LMF1: variants seen among roughly 807,000 people sequenced by gnomAD.
LMF1 encodes lipase maturation factor 1.
LMF1 carries 68 observed loss-of-function variants against 60.6 expected under a neutral mutation model. The observed-to-expected ratio is 1.12, with a 90% CI of 0.92 to 1.37. LMF1 has a LOEUF of 1.37. Among genes scored for constraint, LMF1 ranks in the 40% most tolerant of loss-of-function variants. LMF1 has a pLI of 0.00. For synonymous variants in LMF1, 418 were observed against 324.7 expected (o/e 1.29, Z -3.09); for missense variants, 948 against 767.2 (o/e 1.24, Z -2.78).
intron 2 of LMF1, among the ~76,000 whole-genome samples, chr16:949,466 T>G (rs1597055957): frequency 8.3e-6 from 1 of 120,752 alleles, no homozygotes; most frequent in African/African-American, 3.1e-5. Context: ...AATGACAGAG[T>G]CAGAGCCAAC....
chr16:970,521 G>A (rs2151497677), intron 1 of LMF1, among the ~76,000 whole-genome samples: 1 of 152,308 alleles, frequency 6.6e-6, no homozygotes, highest in South Asian at 2.1e-4. Context: ...AGGCGCGGCC[G>A]TGCAACTTCG....
intron 2 of LMF1, among the ~76,000 whole-genome samples, chr16:939,211 G>A (rs1265229868): frequency 3.9e-5 from 6 of 151,932 alleles, no homozygotes; most frequent in South Asian, 2.1e-4. Flanking sequence ...GTGGTTTTTC[G>A]GAAATGGGAT....
Position 909,229 on chromosome 16 carries a change from A to G in LMF1, c.663+1702T>C, listed in dbSNP as rs897563070. The stretch of plus-strand genomic sequence containing the variant: ...TAAGGGCTGGCGCAAGGTGAGACGC[A>G]GGGATGTGAGTGAGGGGGAGGGAAA... On this transcript the variant is annotated intron_variant, in intron 4 of 10. Coordinates refer to ENST00000262301, the MANE Select transcript of LMF1 (RefSeq NM_022773.4). 3.8e-4 allele frequency among the ~76,000 whole-genome samples: 58 copies of G among 152,148 alleles called. 1 individual carries two copies. The highest frequency in any genetic ancestry group is 1.5e-4 in the Non-Finnish European group (10 of 68,020).
At chr16:928,248 G>GT (rs923991035) in intron 3 of LMF1, among the ~76,000 whole-genome samples, 1 of 152,188 alleles carries the variant, frequency 6.6e-6, no homozygotes, top group African/African-American at 2.4e-5. Context: ...TCCAATCCCA[G>GT]TGAGACCCAG....
Position 893,014 on chromosome 16 carries a change from T to C in LMF1, c.722A>G (p.His241Arg). 6.5e-7 allele frequency: 1 copy of C among 1,550,120 alleles called. No individual in the cohort carries two copies. Among genetic ancestry groups the C allele is most frequent in the Non-Finnish European group, 8.7e-7 (1 of 1,146,630 alleles). ...GCTGCACGGCACGCTCACCTCATAG[T>C]GGAAGTCCATGCAGGTGAGGTCTCG... The part of the protein sequence containing the change: ...CWRDLTCMDF[H>R]YETQPMPNPV... The change falls in exon 5 of 11, where the codon CAC (histidine) becomes CGC (arginine). Residue 241 changes from histidine to arginine, a missense_variant. Transcript: ENST00000262301.
chr16:854,551 G>T lies in LMF1; in HGVS notation c.1685C>A (p.Pro562His). The T allele has an allele frequency of 6.2e-7, 1 of 1,608,172 alleles. No individual in the cohort carries two copies. Among genetic ancestry groups the T allele is most frequent in the South Asian group, 1.1e-5 (1 of 90,492 alleles). ...GCACGTCTAGAGGGGCCCGGGCAGAGGCCACCCACGGTCCCTGAAGTAGGG... is the reference window on the plus strand; with the variant it reads ...GCACGTCTAGAGGGGCCCGGGCAGATGCCACCCACGGTCCCTGAAGTAGGG... ...LRPYFRDRGW[P>H]LPGPL The change falls in exon 11 of 11, where the codon CCT becomes CAT. Residue 562 changes from proline (P) to histidine (H), a missense_variant. Pro to His is a moderately conservative substitution (Grantham distance 77, BLOSUM62 -2). Transcript: ENST00000262301.
At chr16:914,543 T>TC (rs2071218511) in intron 3 of LMF1, among the ~76,000 whole-genome samples, 3 of 63,428 alleles carry the variant, frequency 4.7e-5, no homozygotes, top group Admixed American at 4.3e-4. Flanking sequence ...CCTCCCTCCT[T>TC]CCCATGACCA....
chr16:854,615 C>A lies in LMF1; in HGVS notation c.1621G>T (p.Gly541Ter). The part of the protein sequence containing the change: ...EGKWWVRKRI[G>*]AYFPPLSLEE... ...AGGCTGAGCGGAGGGAAGTAGGCTC[C>A]GATCCTCTTCCGCACCCACCACTTG... Residue 541 changes from glycine (G) to a stop codon, truncating the protein, a stop_gained, in exon 11 of 11, where the codon GGA becomes TGA. Coordinates refer to ENST00000262301, the MANE Select transcript of LMF1 (RefSeq NM_022773.4). LOFTEE classifies it low-confidence loss of function (END_TRUNC). 1 of 1,606,576 alleles carries A rather than the reference C, an allele frequency of 6.2e-7. No individual in the cohort carries two copies. The highest frequency in any genetic ancestry group is 8.5e-7 in the Non-Finnish European group (1 of 1,178,080).
intron 8 of LMF1, among the ~76,000 whole-genome samples, chr16:870,525 G>C (rs2069751745): frequency 6.6e-6 from 1 of 152,198 alleles, no homozygotes; most frequent in Non-Finnish European, 1.5e-5. Flanking sequence ...CTGCCCCTTT[G>C]CCTCATGGGA....
rs561625970 is a variant in LMF1 at position 935,161 on chromosome 16, G to A, written c.504-907C>T. ...TCTATCACCCAGGTTGGAGTGCAGC[G>A]GTGCATAACCTCACTACAACCTCAA... On this transcript the variant is annotated intron_variant, in intron 2 of 10. Coordinates refer to ENST00000262301, the MANE Select transcript of LMF1 (RefSeq NM_022773.4). Among the ~76,000 whole-genome samples the A allele has an allele frequency of 4.6e-5, 7 of 151,396 alleles. No homozygotes were observed. The East Asian group carries it at 7.8e-4, about 17-fold the overall frequency.
At chr16:977,698 AGGACGGGCAGGGAG>A (rs2073189774) in intron 1 of LMF1, among the ~76,000 whole-genome samples, 1 of 142,798 alleles carries the variant, frequency 7.0e-6, no homozygotes, top group African/African-American at 2.5e-5. Context: ...GGGGACGGGG[AGGACGGGCAGGGAG>A]GGACGGAGGG....
intron 3 of LMF1, chr16:933,584 G>A (rs1326931834): frequency 4.2e-5 from 8 of 189,160 alleles, no homozygotes; most frequent in Non-Finnish European, 6.7e-5. Context: ...AGCAAAGACC[G>A]GCCCCTCTGC....
intron 5 of LMF1, among the ~76,000 whole-genome samples, chr16:883,083 T>G (rs566055366): frequency 1.9e-4 from 27 of 144,836 alleles, no homozygotes; most frequent in Admixed American, 1.4e-3. Context: ...GCGGAGCCCA[T>G]TGCAGGACCA....
Position 970,902 on chromosome 16 carries a change from G to C in LMF1, c.79C>G (p.Pro27Ala). Residue 27 changes from proline (P) to alanine (A), a missense_variant, in exon 1 of 11, where the codon CCT becomes GCT. Physicochemically the swap from Pro to Ala is conservative, Grantham distance 27. Transcript: ENST00000262301. Reference sequence around the variant, plus strand: ...CGCCCCGGCGCGGGCGGCGACTCAGGCTCCGGATCCGAGTACCCAGTCTTC... The same window carrying C: ...CGCCCCGGCGCGGGCGGCGACTCAGCCTCCGGATCCGAGTACCCAGTCTTC... ...RRKTGYSDPE[P>A]ESPPAPGRGP... 6.3e-7 allele frequency: 1 copy of C among 1,580,376 alleles called. No individual in the cohort carries two copies. The highest frequency in any genetic ancestry group is 8.6e-7 in the Non-Finnish European group (1 of 1,164,872).
chr16:947,506 G>A, intron 2 of LMF1: 1 of 456,086 alleles, frequency 2.2e-6, no homozygotes, highest in Non-Finnish European at 4.4e-6. Context: ...CTCCAGCCCT[G>A]GCGCTGCTCT....
intron 3 of LMF1, among the ~76,000 whole-genome samples, chr16:911,952 G>A (rs2071135560): frequency 6.6e-6 from 1 of 152,174 alleles, no homozygotes; most frequent in Non-Finnish European, 1.5e-5. Flanking sequence ...TAAGAATGCG[G>A]ATGCGGGTCG....
intron 4 of LMF1, among the ~76,000 whole-genome samples, chr16:898,001 G>A (rs905841353): frequency 1.3e-5 from 2 of 152,198 alleles, no homozygotes; most frequent in African/African-American, 4.8e-5. Context: ...CTTCTGCGTG[G>A]CGGGCGTCCT....
chr16:888,077 C>A (rs561255817), intron 5 of LMF1, among the ~76,000 whole-genome samples: 144 of 152,354 alleles, frequency 9.5e-4, no homozygotes, highest in Non-Finnish European at 1.5e-3. Flanking sequence ...CTGACAGCAT[C>A]CTTCGGCGGA....
chr16:921,332 T>C (rs1332957525), intron 3 of LMF1, among the ~76,000 whole-genome samples: 1 of 152,154 alleles, frequency 6.6e-6, no homozygotes, highest in African/African-American at 2.4e-5. Flanking sequence ...CCATAGCCCT[T>C]CTTGAGGGGC....
Sources: gnomAD v4.1 joint callset for allele counts (sites outside exome capture counted in the v4.1 genomes callset) on GRCh38, gnomAD v4.1.1 for gene constraint, MANE v1.5 for transcripts, NCBI Gene and HGNC (gene_info 2026-07-23, HGNC 2026-07-21) for gene names.